Variants in ECE1 observed in about 807,000 individuals in gnomAD.
The protein encoded by ECE1 is endothelin converting enzyme 1, also known as endothelin-converting enzyme 1.
ECE1 carries 35 observed loss-of-function variants against 98.6 expected under a neutral mutation model. The ratio of observed to expected loss-of-function variants is 0.35; its 90% CI spans 0.27 to 0.47. The LOEUF (loss-of-function observed/expected upper bound fraction) is 0.47, where lower values mean the gene tolerates loss of function less well. Among genes scored for constraint, ECE1 ranks in the 20% least tolerant of loss-of-function variants. The pLI, the probability that ECE1 is intolerant of heterozygous loss-of-function variation, is 1.00. For missense variants in ECE1, 814 were observed against 1,025.3 expected (o/e 0.79, Z 2.81); for synonymous variants, 394 against 407.1 (o/e 0.97, Z 0.39).
At chr1:21,295,356 A>C (rs934230633), upstream of ECE1, among the ~76,000 whole-genome samples, 2 of 152,232 alleles carry the variant, frequency 1.3e-5, no homozygotes, top group African/African-American at 4.8e-5. Flanking sequence ...AAAAAACAAA[A>C]ACAAAAACAA....
In ECE1 at chr1:21,255,986, C is replaced by T. The variant is rs1431030849; in HGVS notation, c.981G>A (p.Glu327=). ...CCGTCACTTTGTGGTAGATGAGCTC[C>T]TCATCACGGCGCTTCTCCTGTGGGA... The part of the protein sequence containing the change: ...ITIPQEKRRD[E]ELIYHKVTAA... Residue 327 remains glutamate (E), a synonymous_variant, in exon 8 of 19, where the codon GAG becomes GAA. Transcript: ENST00000374893. 1.9e-6 allele frequency: 3 copies of T among 1,614,038 alleles called. No homozygotes were observed. The highest frequency in any genetic ancestry group is 4.5e-5 in the East Asian group (2 of 44,896).
chr1:21,288,609 A>G (rs1444875275), intron 2 of ECE1, among the ~76,000 whole-genome samples: 1 of 152,204 alleles, frequency 6.6e-6, no homozygotes, highest in East Asian at 1.9e-4. Context: ...TGAATTCTGA[A>G]ATGCTTTTGT....
chr1:21,264,980 C>T (rs1322517228), intron 4 of ECE1, among the ~76,000 whole-genome samples: 1 of 152,220 alleles, frequency 6.6e-6, no homozygotes, highest in Non-Finnish European at 1.5e-5. Flanking sequence ...ACAATCGCCT[C>T]TTCCCTCTCT....
intron 1 of ECE1, among the ~76,000 whole-genome samples, chr1:21,323,057 T>C (rs1638997532): frequency 6.6e-6 from 1 of 152,212 alleles, no homozygotes; most frequent in Non-Finnish European, 1.5e-5. Context: ...AGCTTAAGTC[T>C]CATTTCCTTT....
At chr1:21,245,403 CAGCATGG>C (rs1442942116) in intron 9 of ECE1, among the ~76,000 whole-genome samples, 3 of 151,844 alleles carry the variant, frequency 2.0e-5, no homozygotes, top group African/African-American at 7.3e-5. Context: ...TATGAAGCCC[CAGCATGG>C]AGACCCACCC....
At chr1:21,295,154 GGAT>G (rs1353134263), upstream of ECE1, among the ~76,000 whole-genome samples, 1 of 152,210 alleles carries the variant, frequency 6.6e-6, no homozygotes. Flanking sequence ...CAAATGAGGA[GGAT>G]GATGATAACA....
intron 1 of ECE1, among the ~76,000 whole-genome samples, chr1:21,328,073 C>T (rs1482796290): frequency 6.6e-6 from 1 of 152,172 alleles, no homozygotes; most frequent in Non-Finnish European, 1.5e-5. Flanking sequence ...AATTGTCTTC[C>T]ACGAAGCCTG....
At chr1:21,270,848 G>C (rs964053614) in intron 4 of ECE1, among the ~76,000 whole-genome samples, 8 of 152,218 alleles carry the variant, frequency 5.3e-5, no homozygotes, top group Non-Finnish European at 8.8e-5. Context: ...GCAGAGTCCA[G>C]ATTCGAACCC....
At chr1:21,245,735 G>A (rs1460692382) in intron 9 of ECE1, among the ~76,000 whole-genome samples, 35 of 152,150 alleles carry the variant, frequency 2.3e-4, no homozygotes, top group Non-Finnish European at 2.9e-5. Flanking sequence ...TGTACACGAC[G>A]GAGTACTATG....
In ECE1 at chr1:21,274,282, T is replaced by C. The variant is rs936687270; in HGVS notation, c.281-1371A>G. On this transcript the variant is annotated intron_variant, in intron 3 of 18. Transcript: ENST00000374893. ...TGTTTTTCTGCTTTCCTTCCCCACC[T>C]CTCTGCCAGTCACACGAGGGGCTGG... Among the ~76,000 whole-genome samples the C allele has an allele frequency of 5.9e-5, 9 of 152,122 alleles. No individual in the cohort carries two copies. In the East Asian group the frequency reaches 1.7e-3, roughly 29 times the overall value.
intron 1 of ECE1, among the ~76,000 whole-genome samples, chr1:21,303,125 C>T (rs1237357093): frequency 1.3e-5 from 2 of 152,242 alleles, no homozygotes; most frequent in African/African-American, 4.8e-5. Context: ...AACTGGGCTC[C>T]ACCAACTGAT....
intron 1 of ECE1, among the ~76,000 whole-genome samples, chr1:21,302,389 T>C (rs1638505074): frequency 6.6e-6 from 1 of 152,262 alleles, no homozygotes. Flanking sequence ...TCTACCTGTC[T>C]GAGCCTCGAC....
In ECE1 at chr1:21,280,888, T is replaced by C. The variant is rs552464699; in HGVS notation, c.139-1556A>G. 4.0e-5 allele frequency among the ~76,000 whole-genome samples: 6 copies of C among 148,960 alleles called. No individual in the cohort carries two copies. In the East Asian group the frequency reaches 1.2e-3, roughly 29 times the overall value. On this transcript the variant is annotated intron_variant, in intron 2 of 18. Transcript: ENST00000374893. Reference sequence around the variant, plus strand: ...TTTCTGTGGAAAAAAAAAAACTGGGTTCCAAAACTGAGAAAAGGGGCCGGG... The same window carrying C: ...TTTCTGTGGAAAAAAAAAAACTGGGCTCCAAAACTGAGAAAAGGGGCCGGG...
intron 2 of ECE1, among the ~76,000 whole-genome samples, chr1:21,282,605 G>GAAAGA (rs1166258287): frequency 5.0e-4 from 68 of 135,326 alleles, no homozygotes; most frequent in African/African-American, 1.4e-3. Flanking sequence ...AAAAAAAAAA[G>GAAAGA]AAAGAAAAGA....
rs560421902 is a variant in ECE1 at position 21,308,747 on chromosome 1, G to A, written c.4-18591C>T. On this transcript the variant is annotated intron_variant, in intron 1 of 18. Coordinates refer to the ECE1 transcript ENST00000415912. ...TGGGAGGGGCTTGAGTCTGGGTACTGAGGGGCGAGCTGGGGCCTGAGCGAA... is the reference window on the plus strand; with the variant it reads ...TGGGAGGGGCTTGAGTCTGGGTACTAAGGGGCGAGCTGGGGCCTGAGCGAA... Among the ~76,000 whole-genome samples the A allele has an allele frequency of 1.2e-4, 19 of 152,210 alleles. No homozygotes were observed. In the East Asian group the frequency reaches 3.5e-3, roughly 28 times the overall value.
chr1:21,265,789 C>T (rs2098233146), intron 4 of ECE1, among the ~76,000 whole-genome samples: 1 of 152,134 alleles, frequency 6.6e-6, no homozygotes, highest in Non-Finnish European at 1.5e-5. Flanking sequence ...ATGTTTACTT[C>T]CCAGAAGATT....
At chr1:21,237,395 G>A (rs1299532912) in intron 11 of ECE1, among the ~76,000 whole-genome samples, 1 of 152,088 alleles carries the variant, frequency 6.6e-6, no homozygotes, top group African/African-American at 2.4e-5. Flanking sequence ...GCAGAGCTGT[G>A]CGGCAACAAG....
At chr1:21,238,330 G>T in intron 10 of ECE1, 86 bp from the exon 11 acceptor site, 2 of 1,072,436 alleles carry the variant, frequency 1.9e-6, no homozygotes, top group Non-Finnish European at 2.8e-6. Flanking sequence ...ACCATGTGGG[G>T]CCCATGCTTT....
At chr1:21,326,063 G>A (rs536500463) in intron 1 of ECE1, among the ~76,000 whole-genome samples, 2 of 152,342 alleles carry the variant, frequency 1.3e-5, no homozygotes, top group East Asian at 3.9e-4. Flanking sequence ...CCAGTGGGGT[G>A]TGGGGACCAG....
Sources: gnomAD v4.1 joint callset for allele counts (sites outside exome capture counted in the v4.1 genomes callset) on GRCh38, gnomAD v4.1.1 for gene constraint, MANE v1.5 for transcripts, NCBI Gene and HGNC (gene_info 2026-07-23, HGNC 2026-07-21) for gene names.